The following EPHB1 variants were observed in gnomAD, a reference collection of about 807,000 sequenced individuals.
EPHB1 encodes ephrin type-B receptor 1.
Under a neutral mutation model 94.4 loss-of-function variants are expected in EPHB1, and 30 were observed. The observed-to-expected ratio is 0.32, with a 90% CI of 0.24 to 0.43. EPHB1 has a LOEUF of 0.43. Ranked by LOEUF, EPHB1 falls within the 20% of genes least tolerant of loss-of-function variation. The pLI is 1.00. For missense variants in EPHB1, 1,055 were observed against 1,308.3 expected (o/e 0.81, Z 2.99); for synonymous variants, 522 against 489.1 (o/e 1.07, Z -0.89).
intron 3 of EPHB1, among the ~76,000 whole-genome samples, chr3:135,068,136 A>G (rs2107780357): frequency 6.6e-6 from 1 of 152,296 alleles, no homozygotes; most frequent in East Asian, 1.9e-4. Context: ...TTATTCCTGC[A>G]GTCATTCTGG....
At chr3:135,024,976 AT>A (rs1936100052) in intron 3 of EPHB1, among the ~76,000 whole-genome samples, 1 of 151,558 alleles carries the variant, frequency 6.6e-6, no homozygotes, top group Non-Finnish European at 1.5e-5. Flanking sequence ...ATTATATATG[AT>A]TTTTCATATC....
Position 134,795,694 on chromosome 3 carries a change from C to T in EPHB1, c.58+5C>T. 6.2e-7 allele frequency: 1 copy of T among 1,609,152 alleles called. No individual in the cohort carries two copies. The highest frequency in any genetic ancestry group is 1.1e-5 in the South Asian group (1 of 90,568). On this transcript the variant is annotated splice_donor_5th_base_variant and intron_variant, in intron 1 of 15. Coordinates refer to ENST00000398015, the MANE Select transcript of EPHB1 (RefSeq NM_004441.5). Reference sequence around the variant, plus strand: ...CCGCAGTGGCTGCGATGGAAGGTAACGTACCCTCCACGGAGCAAGTTGGCT... The same window carrying T: ...CCGCAGTGGCTGCGATGGAAGGTAATGTACCCTCCACGGAGCAAGTTGGCT...
chr3:135,072,529 C>G (rs1937759485), intron 3 of EPHB1, among the ~76,000 whole-genome samples: 1 of 152,224 alleles, frequency 6.6e-6, no homozygotes, highest in African/African-American at 2.4e-5. Flanking sequence ...TCCTTCCAGT[C>G]TGCCCAGTCT....
chr3:135,081,155 C>T (rs1201340402), intron 3 of EPHB1, among the ~76,000 whole-genome samples: 3 of 152,164 alleles, frequency 2.0e-5, no homozygotes, highest in African/African-American at 7.2e-5. Context: ...CTTACCTTCT[C>T]CTCTATCATC....
chr3:134,996,550 T>C (rs78888720), intron 3 of EPHB1, among the ~76,000 whole-genome samples: 1 of 152,172 alleles, frequency 6.6e-6, no homozygotes, highest in Non-Finnish European at 1.5e-5. Context: ...GTTTTTCTCA[T>C]TTTTAAGGCT....
At chr3:135,163,852 A>G (rs567413190) in intron 7 of EPHB1, among the ~76,000 whole-genome samples, 92 of 152,240 alleles carry the variant, frequency 6.0e-4, no homozygotes, top group African/African-American at 2.1e-3. Flanking sequence ...ATGGGTACGG[A>G]TTATGTTCAC....
chr3:135,183,030 C>A (rs1576452286), intron 10 of EPHB1, among the ~76,000 whole-genome samples: 1 of 67,182 alleles, frequency 1.5e-5, no homozygotes, highest in South Asian at 4.4e-4. Flanking sequence ...CTTTTCTTTT[C>A]TTTCTTTCTT....
At chr3:135,151,961 C>T (rs6798510) in intron 5 of EPHB1, among the ~76,000 whole-genome samples, 152,144 of 152,334 alleles carry the variant, frequency 1, 75,978 homozygotes, top group Non-Finnish European at 1. Flanking sequence ...CAAAGGCTAT[C>T]GGTCATATTA....
chr3:135,215,563 A>C (rs1252342210), intron 12 of EPHB1, among the ~76,000 whole-genome samples: 1 of 152,218 alleles, frequency 6.6e-6, no homozygotes. Context: ...AGCCACCAGA[A>C]ATCCAGAAAA....
At chr3:135,238,279 C>T (rs1420764377) in intron 12 of EPHB1, among the ~76,000 whole-genome samples, 2 of 152,202 alleles carry the variant, frequency 1.3e-5, no homozygotes, top group African/African-American at 4.8e-5. Context: ...GCAGGAGAGC[C>T]TGCCATGACA....
chr3:135,063,185 A>C (rs1333464416), intron 3 of EPHB1, among the ~76,000 whole-genome samples: 1 of 152,148 alleles, frequency 6.6e-6, no homozygotes, highest in Admixed American at 6.5e-5. Context: ...TTTTGGATCC[A>C]TATGAATTTT....
chr3:134,916,458 G>T (rs1260117102), intron 1 of EPHB1, among the ~76,000 whole-genome samples: 1 of 152,234 alleles, frequency 6.6e-6, no homozygotes, highest in Non-Finnish European at 1.5e-5. Context: ...GGCAGGGTGG[G>T]GTGGGGAGGC....
chr3:135,078,545 G>T (rs908922410), intron 3 of EPHB1, among the ~76,000 whole-genome samples: 1 of 152,250 alleles, frequency 6.6e-6, no homozygotes, highest in Non-Finnish European at 1.5e-5. Context: ...TCTGGCCACA[G>T]CGAAATGGGT....
rs184677716 is a variant in EPHB1, at chr3:134,954,168, G to T, written c.805+2116G>T. ...CTGGCTGAACTCTGTGCCCTGAAAG[G>T]GAAGAGAAGGGCCCCTTGCCCTTGT... On this transcript the variant is annotated intron_variant, in intron 3 of 15. Coordinates refer to ENST00000398015, the MANE Select transcript of EPHB1 (RefSeq NM_004441.5). Among the ~76,000 whole-genome samples the T allele has an allele frequency of 5.9e-5, 9 of 152,318 alleles. No individual in the cohort carries two copies. In the East Asian group the frequency reaches 1.7e-3, roughly 29 times the overall value.
intron 1 of EPHB1, among the ~76,000 whole-genome samples, chr3:134,808,955 G>A (rs1465214243): frequency 1.3e-5 from 2 of 152,360 alleles, no homozygotes; most frequent in East Asian, 3.9e-4. Context: ...TTCCAATGTA[G>A]ATACCAGAGC....
At chr3:135,052,344 G>T (rs6800189) in intron 3 of EPHB1, among the ~76,000 whole-genome samples, 2 of 152,058 alleles carry the variant, frequency 1.3e-5, no homozygotes, top group Non-Finnish European at 2.9e-5. Flanking sequence ...GGTCTCTTGA[G>T]TTTGAATATC....
intron 4 of EPHB1, among the ~76,000 whole-genome samples, chr3:135,115,688 C>T (rs1252360318): frequency 6.6e-6 from 1 of 152,188 alleles, no homozygotes; most frequent in Non-Finnish European, 1.5e-5. Context: ...CTCAGCTCCA[C>T]TCCTTCCTCA....
At chr3:135,252,218 A>C (rs1933142321) in intron 15 of EPHB1, among the ~76,000 whole-genome samples, 1 of 150,624 alleles carries the variant, frequency 6.6e-6, no homozygotes, top group Admixed American at 6.6e-5. Flanking sequence ...TTTTTTATTT[A>C]TTTTTTATTA....
chr3:135,188,384 A>T (rs902023862), intron 10 of EPHB1, among the ~76,000 whole-genome samples: 1 of 151,990 alleles, frequency 6.6e-6, no homozygotes, highest in Non-Finnish European at 1.5e-5. Flanking sequence ...AATCCCAGCT[A>T]CTTGGGAGGC....
Sources: allele counts gnomAD v4.1 joint callset (sites outside exome capture counted in the v4.1 genomes callset), GRCh38; gene constraint gnomAD v4.1.1; transcripts MANE v1.5; gene names NCBI Gene and HGNC (gene_info 2026-07-23, HGNC 2026-07-21).